ERI1: variants seen among roughly 807,000 people sequenced by gnomAD.
ERI1 encodes exoribonuclease 1, also known as 3'-5' exoribonuclease 1.
A neutral mutation model predicts 39.7 loss-of-function variants in ERI1; 39 were observed. The ratio of observed to expected loss-of-function variants is 0.98; its 90% CI spans 0.76 to 1.28. The LOEUF (loss-of-function observed/expected upper bound fraction) is 1.28. ERI1 is among the 50% of genes most tolerant of loss of function. The pLI is 0.00. For synonymous variants in ERI1, 204 were observed against 149.6 expected, an observed-to-expected ratio of 1.36 and a Z score of -2.65; for missense variants, 581 against 416.9, an observed-to-expected ratio of 1.39 and a Z score of -3.43.
intron 3 of ERI1, among the ~76,000 whole-genome samples, chr8:9,040,992 A>G (rs559113792): frequency 6.6e-6 from 1 of 152,314 alleles, no homozygotes; most frequent in East Asian, 1.9e-4. Flanking sequence ...TTGCATGCAT[A>G]CAAGGTATAG....
chr8:9,089,863 G>C (rs980434584), intron 3 of ERI1, among the ~76,000 whole-genome samples: 1 of 152,162 alleles, frequency 6.6e-6, no homozygotes, highest in African/African-American at 2.4e-5. Flanking sequence ...CATTTTGCTG[G>C]TGGGAATGGA....
At chr8:9,087,308 C>T (rs1161280602) in intron 3 of ERI1, among the ~76,000 whole-genome samples, 1 of 151,402 alleles carries the variant, frequency 6.6e-6, no homozygotes, top group Non-Finnish European at 1.5e-5. Context: ...TGTAGTGGAG[C>T]GATCTTGGCT....
chr8:9,099,252 A>G (rs1457797321), intron 3 of ERI1, among the ~76,000 whole-genome samples: 1 of 152,068 alleles, frequency 6.6e-6, no homozygotes, highest in African/African-American at 2.4e-5. Context: ...CTCCCCAAGT[A>G]AGATTTGAAC....
In ERI1 at chr8:9,030,071, G is replaced by A; in HGVS notation, c.*37G>A. On this transcript the variant is annotated 3_prime_UTR_variant, in exon 7 of 7. Coordinates refer to ENST00000250263, the MANE Select transcript of ERI1 (RefSeq NM_153332.4). ...TGTGTGGATCATTCCAATTGAAGTT[G>A]CTATGAAGAGGTAGCAGATGAATCT... The A allele has an allele frequency of 6.2e-7, 1 of 1,605,466 alleles. No homozygotes were observed. The highest frequency in any genetic ancestry group is 8.5e-7 in the Non-Finnish European group (1 of 1,173,256).
chr8:9,057,791 A>G (rs1232236493), intron 3 of ERI1, among the ~76,000 whole-genome samples: 2 of 152,204 alleles, frequency 1.3e-5, no homozygotes, highest in Non-Finnish European at 2.9e-5. Context: ...CTGCAGATGT[A>G]AAGTGTGGTC....
Position 9,008,163 on chromosome 8 carries a change from CTT to C in ERI1, c.287+16_287+17del, listed in dbSNP as rs756242059. On this transcript the variant is annotated intron_variant, in intron 2 of 6. Transcript: ENST00000250263. Reference sequence around the variant, plus strand: ...CTTGAAACTAGGTAATTAAAAATAACTTATAAAATTATAAAAGTAGTACATGC... The same window carrying C: ...CTTGAAACTAGGTAATTAAAAATAACATAAAATTATAAAAGTAGTACATGC... The C allele has an allele frequency of 1.0e-5, 16 of 1,535,226 alleles. No individual in the cohort carries two copies. In the African/African-American group the frequency reaches 2.0e-4, roughly 19 times the overall value.
At chr8:9,014,601 G>A (rs1285848302) in intron 3 of ERI1, among the ~76,000 whole-genome samples, 1 of 152,160 alleles carries the variant, frequency 6.6e-6, no homozygotes, top group East Asian at 1.9e-4. Context: ...GCATTCTTCT[G>A]TTAAAAGTAT....
chr8:9,047,237 C>T (rs1229563008), intron 3 of ERI1, among the ~76,000 whole-genome samples: 4 of 152,190 alleles, frequency 2.6e-5, no homozygotes, highest in Admixed American at 6.5e-5. Flanking sequence ...ATTCATCTGG[C>T]TGGGGACTGG....
At position 9,029,934 on chromosome 8, in the gene ERI1, G is replaced by C. The variant is rs1421906941; in HGVS notation, c.950G>C (p.Arg317Pro). ...VRMLQDGCEL[R>P]INEKMHAGQL... ...ATGCTTCAGGATGGGTGTGAACTCC[G>C]AATCAACGAGAAAATGCATGCAGGA... is the stretch of plus-strand genomic sequence containing the variant. Residue 317 changes from arginine (R) to proline (P), a missense_variant, in exon 7 of 7, where the codon CGA (arginine) becomes CCA (proline). Transcript: ENST00000250263. 3 of 1,614,072 alleles carry C rather than the reference G, an allele frequency of 1.9e-6. No homozygotes were observed. Among genetic ancestry groups the C allele is most frequent in the South Asian group, 2.2e-5 (2 of 91,078 alleles).
At chr8:9,053,977 C>T (rs1239588815) in intron 3 of ERI1, among the ~76,000 whole-genome samples, 2 of 152,192 alleles carry the variant, frequency 1.3e-5, no homozygotes, top group Non-Finnish European at 2.9e-5. Flanking sequence ...GGAAATATGT[C>T]TGTGATAGGG....
At chr8:9,071,145 T>A (rs1307636260) in intron 3 of ERI1, among the ~76,000 whole-genome samples, 1 of 152,238 alleles carries the variant, frequency 6.6e-6, no homozygotes, top group Non-Finnish European at 1.5e-5. Context: ...AGTTCTTGTG[T>A]TTACAGCTGT....
At chr8:9,026,854 A>AC (rs1797201340) in intron 6 of ERI1, among the ~76,000 whole-genome samples, 1 of 138,106 alleles carries the variant, frequency 7.2e-6, no homozygotes, top group Non-Finnish European at 1.6e-5. Context: ...AACCTGTACC[A>AC]CGTTAAAAAA....
At chr8:9,083,083 G>A (rs1438599087) in intron 3 of ERI1, among the ~76,000 whole-genome samples, 1 of 152,008 alleles carries the variant, frequency 6.6e-6, no homozygotes, top group Non-Finnish European at 1.5e-5. Context: ...ATTTTAACTG[G>A]GGCCCTGCAT....
intron 3 of ERI1, among the ~76,000 whole-genome samples, chr8:9,045,112 T>G (rs1798135446): frequency 6.6e-6 from 1 of 151,698 alleles, no homozygotes; most frequent in South Asian, 2.1e-4. Context: ...GGCGGGCACC[T>G]GTAGTCCCAG....
chr8:9,064,883 C>A (rs182882292), intron 3 of ERI1, among the ~76,000 whole-genome samples: 2 of 151,930 alleles, frequency 1.3e-5, no homozygotes, highest in Non-Finnish European at 2.9e-5. Context: ...GGGCTGAGTC[C>A]GAGAAGAGAG....
At chr8:9,034,028 G>A (rs1427330759), downstream of ERI1, among the ~76,000 whole-genome samples, 3 of 152,230 alleles carry the variant, frequency 2.0e-5, no homozygotes, top group East Asian at 1.9e-4. Context: ...GAAGGAGAAC[G>A]ATTTTTGCTT....
chr8:9,017,475 C>A (rs1035980754), intron 4 of ERI1, among the ~76,000 whole-genome samples: 1 of 152,118 alleles, frequency 6.6e-6, no homozygotes, highest in Non-Finnish European at 1.5e-5. Context: ...TTGTATATAT[C>A]TTTATGTGTA....
intron 6 of ERI1, among the ~76,000 whole-genome samples, chr8:9,020,743 C>T (rs903282624): frequency 6.6e-6 from 1 of 152,068 alleles, no homozygotes; most frequent in Non-Finnish European, 1.5e-5. Context: ...AAATGCTCCC[C>T]ACTAGATTTT....
intron 3 of ERI1, among the ~76,000 whole-genome samples, chr8:9,060,755 G>A (rs970324949): frequency 2.0e-5 from 3 of 152,224 alleles, no homozygotes; most frequent in Non-Finnish European, 4.4e-5. Context: ...GGCCGTGAAG[G>A]ACAGAAGTTG....
Sources: gnomAD v4.1 joint callset for allele counts (sites outside exome capture counted in the v4.1 genomes callset) on GRCh38, gnomAD v4.1.1 for gene constraint, MANE v1.5 for transcripts, NCBI Gene and HGNC (gene_info 2026-07-23, HGNC 2026-07-21) for gene names.